Variants in FSTL5 observed in about 807,000 individuals in gnomAD.
FSTL5 encodes the protein follistatin-related protein 5.
Under a neutral mutation model 89.1 loss-of-function variants are expected in FSTL5, and 62 were observed. That is an observed-to-expected ratio of 0.70 (90% CI 0.57 to 0.86). The LOEUF (loss-of-function observed/expected upper bound fraction) is 0.86. Among genes scored for constraint, FSTL5 ranks in the 40% least tolerant of loss-of-function variants. The pLI is 0.00. For missense variants in FSTL5, 1,057 were observed against 1,001.6 expected, an observed-to-expected ratio of 1.06 and a Z score of -0.75; for synonymous variants, 383 against 346.2, an observed-to-expected ratio of 1.11 and a Z score of -1.18.
At chr4:161,616,441 C>A (rs1477452650) in intron 7 of FSTL5, among the ~76,000 whole-genome samples, 1 of 152,112 alleles carries the variant, frequency 6.6e-6, no homozygotes, top group Non-Finnish European at 1.5e-5. Context: ...ACACCAGACT[C>A]CAGGTTCTTC....
At chr4:162,143,744 A>ACCC (rs1241228607) in intron 1 of FSTL5, among the ~76,000 whole-genome samples, 9 of 21,554 alleles carry the variant, frequency 4.2e-4, no homozygotes, top group African/African-American at 1.2e-3. Context: ...ACACACACAC[A>ACCC]CACACCCAGG....
rs191973581 is a variant in FSTL5 at position 161,562,575 on chromosome 4, T to C, written c.1016-19882A>G. 2.1e-4 allele frequency among the ~76,000 whole-genome samples: 32 copies of C among 151,704 alleles called. No individual in the cohort carries two copies. In the East Asian group the frequency reaches 4.9e-3, roughly 23 times the overall value. On this transcript the variant is annotated intron_variant, in intron 8 of 15. Coordinates refer to ENST00000306100, the MANE Select transcript of FSTL5 (RefSeq NM_020116.5). Reference sequence around the variant, plus strand: ...CTTATTTGGTTAAGTTTACTCTTAATTACCTATTTTTTGATACTAATATAA... The same window carrying C: ...CTTATTTGGTTAAGTTTACTCTTAACTACCTATTTTTTGATACTAATATAA...
intron 13 of FSTL5, among the ~76,000 whole-genome samples, chr4:161,468,998 A>G (rs2126429616): frequency 6.6e-6 from 1 of 152,276 alleles, no homozygotes; most frequent in East Asian, 1.9e-4. Flanking sequence ...ATTCTGTGTA[A>G]TCATCATCCC....
At chr4:161,942,767 A>C (rs1359271475) in intron 3 of FSTL5, among the ~76,000 whole-genome samples, 2 of 152,130 alleles carry the variant, frequency 1.3e-5, no homozygotes, top group African/African-American at 4.8e-5. Flanking sequence ...GTTTTTACCT[A>C]AGACATTGGT....
At chr4:161,908,787 G>A (rs1733609154) in intron 4 of FSTL5, among the ~76,000 whole-genome samples, 1 of 152,070 alleles carries the variant, frequency 6.6e-6, no homozygotes, top group Admixed American at 6.6e-5. Context: ...CAGCACAATG[G>A]CTAGTCTCAA....
Position 161,397,135 on chromosome 4 carries a change from C to T in FSTL5, c.1842-10686G>A, listed in dbSNP as rs1171012015. On this transcript the variant is annotated intron_variant, in intron 15 of 15. Coordinates refer to ENST00000306100, the MANE Select transcript of FSTL5 (RefSeq NM_020116.5). Reference sequence around the variant, plus strand: ...GCCTTTAACAATGTGAATGTCTTACCCATGCAACAAATTTTGTTCTAGGTC... The same window carrying T: ...GCCTTTAACAATGTGAATGTCTTACTCATGCAACAAATTTTGTTCTAGGTC... Among the ~76,000 whole-genome samples the T allele has an allele frequency of 3.9e-5, 6 of 152,024 alleles. No homozygotes were observed. The East Asian group carries it at 7.7e-4, about 20-fold the overall frequency.
intron 7 of FSTL5, among the ~76,000 whole-genome samples, chr4:161,650,272 T>C (rs1025103815): frequency 9.9e-5 from 15 of 152,214 alleles, no homozygotes; most frequent in African/African-American, 3.6e-4. Flanking sequence ...TTATCATTCG[T>C]AGGAAAGTCA....
intron 2 of FSTL5, among the ~76,000 whole-genome samples, chr4:162,068,867 T>C (rs1223113290): frequency 6.6e-6 from 1 of 152,006 alleles, no homozygotes; most frequent in African/African-American, 2.4e-5. Context: ...AACAACCCCA[T>C]TAAACAGTGG....
At chr4:161,957,339 C>G (rs1735052592) in intron 3 of FSTL5, among the ~76,000 whole-genome samples, 1 of 151,958 alleles carries the variant, frequency 6.6e-6, no homozygotes. Flanking sequence ...CTTTATTATT[C>G]TCTCATTTTA....
In FSTL5 at chr4:161,884,179, A is replaced by T. The variant is rs563234378; in HGVS notation, c.409+36225T>A. Among the ~76,000 whole-genome samples, 8 of 152,140 alleles carry T rather than the reference A, an allele frequency of 5.3e-5. No homozygotes were observed. The East Asian group carries it at 1.4e-3, about 26-fold the overall frequency. ...ATTCTCCTGCCTCAGCCTCCTGAGT[A>T]GCTGGGACTATAGGGATGTACCACC... On this transcript the variant is annotated intron_variant, in intron 4 of 15. Transcript: ENST00000306100.
chr4:161,779,831 A>G (rs1278133422), intron 4 of FSTL5, among the ~76,000 whole-genome samples: 1 of 112,160 alleles, frequency 8.9e-6, no homozygotes, highest in Non-Finnish European at 1.8e-5. Flanking sequence ...ATATATATAT[A>G]TATATGTATA....
chr4:162,066,546 C>T (rs112059728), intron 2 of FSTL5, among the ~76,000 whole-genome samples: 14,317 of 148,138 alleles, frequency 0.097, 795 homozygotes, highest in Non-Finnish European at 0.12. Context: ...ATGCCCCGCA[C>T]GCATTAGGTA....
chr4:161,459,393 G>T, intron 13 of FSTL5, 74 bp from the exon 14 acceptor site: 16 of 742,922 alleles, frequency 2.2e-5, no homozygotes, highest in Admixed American at 4.7e-5. Flanking sequence ...AAATTATGAA[G>T]ATTCTAATTT....
At chr4:161,861,637 T>A (rs1354608098) in intron 4 of FSTL5, among the ~76,000 whole-genome samples, 2 of 152,288 alleles carry the variant, frequency 1.3e-5, no homozygotes, top group East Asian at 3.9e-4. Flanking sequence ...GCATTATATT[T>A]TTTGATAGGT....
At chr4:161,761,657 T>C (rs149071800) in intron 5 of FSTL5, among the ~76,000 whole-genome samples, 2 of 152,350 alleles carry the variant, frequency 1.3e-5, no homozygotes, top group African/African-American at 4.8e-5. Flanking sequence ...TGCATAAGAC[T>C]AGTTTGATCT....
intron 15 of FSTL5, among the ~76,000 whole-genome samples, chr4:161,422,848 G>A (rs752169850): frequency 1.3e-5 from 2 of 152,114 alleles, no homozygotes; most frequent in East Asian, 1.9e-4. Flanking sequence ...CCTATGGACC[G>A]AAAACACATT....
At chr4:161,982,588 G>A (rs1258791397) in intron 3 of FSTL5, among the ~76,000 whole-genome samples, 1 of 152,134 alleles carries the variant, frequency 6.6e-6, no homozygotes, top group East Asian at 1.9e-4. Flanking sequence ...GGGAAAACAA[G>A]AAATGATCTA....
intron 2 of FSTL5, among the ~76,000 whole-genome samples, chr4:162,095,992 G>A (rs1730735676): frequency 6.6e-6 from 1 of 151,796 alleles, no homozygotes; most frequent in Non-Finnish European, 1.5e-5. Flanking sequence ...CTACCCGATT[G>A]TAGCAACCCA....
chr4:161,480,242 A>T (rs1303514393), intron 13 of FSTL5, among the ~76,000 whole-genome samples: 2 of 152,212 alleles, frequency 1.3e-5, no homozygotes, highest in African/African-American at 4.8e-5. Flanking sequence ...TCTTAAAATA[A>T]CTTCGTAAGA....
Sources: gnomAD v4.1 joint callset for allele counts (sites outside exome capture counted in the v4.1 genomes callset) on GRCh38, gnomAD v4.1.1 for gene constraint, MANE v1.5 for transcripts, NCBI Gene and HGNC (gene_info 2026-07-23, HGNC 2026-07-21) for gene names.